The following ADGRG5 variants were observed in gnomAD, a reference collection of about 807,000 sequenced individuals.
The protein encoded by ADGRG5 is G protein-coupled receptor 114.
ADGRG5 carries 37 observed loss-of-function variants against 53.2 expected under a neutral mutation model. That is an observed-to-expected ratio of 0.70 (90% CI 0.53 to 0.91). ADGRG5 has a LOEUF of 0.91. Among genes scored for constraint, ADGRG5 ranks in the 40% least tolerant of loss-of-function variants. ADGRG5 has a pLI of 0.00. For synonymous variants in ADGRG5, 277 were observed against 290.4 expected, an observed-to-expected ratio of 0.95 and a Z score of 0.47; for missense variants, 614 against 675.8, an observed-to-expected ratio of 0.91 and a Z score of 1.01.
chr16:57,552,534 A>G (rs1488718689), intron 1 of ADGRG5, among the ~76,000 whole-genome samples: 2 of 152,030 alleles, frequency 1.3e-5, no homozygotes, highest in East Asian at 3.9e-4. Flanking sequence ...CAGCTTCCTC[A>G]CCCACCTTGG....
At chr16:57,575,179 AG>A in intron 11 of ADGRG5, 87 bp downstream of exon 11, 1 of 1,448,956 alleles carries the variant, frequency 6.9e-7, no homozygotes, top group South Asian at 1.3e-5. Flanking sequence ...GTTCAGGTGA[AG>A]GGGGCGAGTG....
intron 1 of ADGRG5, among the ~76,000 whole-genome samples, chr16:57,548,037 C>T (rs561482813): frequency 5.8e-4 from 88 of 152,314 alleles, no homozygotes; most frequent in Non-Finnish European, 1.0e-3. Flanking sequence ...TATGAGCCAC[C>T]ACGCCTGGCC....
chr16:57,544,113 A>G lies in ADGRG5; in HGVS notation c.-39+1412A>G, dbSNP rs532577486. Among the ~76,000 whole-genome samples the G allele has an allele frequency of 5.9e-5, 9 of 152,174 alleles. No individual in the cohort carries two copies. The East Asian group carries it at 1.7e-3, about 30-fold the overall frequency. Reference sequence around the variant, plus strand: ...GTCTGCAAAGCAACTCAGCTGCCCAACCATCTTTGGGAGGCTGCAGTGTGC... The same window carrying G: ...GTCTGCAAAGCAACTCAGCTGCCCAGCCATCTTTGGGAGGCTGCAGTGTGC... On this transcript the variant is annotated intron_variant, in intron 1 of 11. Coordinates refer to ENST00000349457, the MANE Select transcript of ADGRG5 (RefSeq NM_001304376.3).
At chr16:57,568,990 TTCATCATCA>T (rs2033242937) in intron 9 of ADGRG5, among the ~76,000 whole-genome samples, 1 of 142,282 alleles carries the variant, frequency 7.0e-6, no homozygotes, top group Non-Finnish European at 1.5e-5. Context: ...CTCCTCCACC[TTCATCATCA>T]CCATCACCTC....
At chr16:57,549,705 C>A (rs182520383) in intron 1 of ADGRG5, among the ~76,000 whole-genome samples, 1 of 152,222 alleles carries the variant, frequency 6.6e-6, no homozygotes, top group African/African-American at 2.4e-5. Flanking sequence ...GTCTCAGGCC[C>A]TTTTGTAGTT....
At chr16:57,558,425 T>C (rs2032929458) in intron 1 of ADGRG5, among the ~76,000 whole-genome samples, 1 of 152,246 alleles carries the variant, frequency 6.6e-6, no homozygotes, top group African/African-American at 2.4e-5. Flanking sequence ...ATTGCATGCA[T>C]GCAACACAGA....
At chr16:57,543,012 G>A (rs898472675) in intron 1 of ADGRG5, 2 of 152,362 alleles carry the variant, frequency 1.3e-5, no homozygotes, top group African/African-American at 4.8e-5. Context: ...CTGGACCTCA[G>A]TTTCTCATCT....
intron 6 of ADGRG5, 38 bp downstream of exon 6, chr16:57,565,188 G>T (rs368627039): frequency 9.7e-6 from 12 of 1,235,496 alleles, no homozygotes; most frequent in Non-Finnish European, 1.3e-5. Flanking sequence ...CTGCACCCCT[G>T]CCCCTCTGTG....
At chr16:57,551,191 T>TG (rs1481627579) in intron 1 of ADGRG5, among the ~76,000 whole-genome samples, 1 of 152,204 alleles carries the variant, frequency 6.6e-6, no homozygotes, top group African/African-American at 2.4e-5. Context: ...TTTTTGCTGG[T>TG]GGAAAGTCTT....
intron 1 of ADGRG5, among the ~76,000 whole-genome samples, chr16:57,558,570 C>A (rs2032931986): frequency 1.3e-5 from 2 of 152,220 alleles, no homozygotes; most frequent in African/African-American, 4.8e-5. Flanking sequence ...CAGTCTTGAG[C>A]CCCAGGAGTA....
intron 1 of ADGRG5, among the ~76,000 whole-genome samples, chr16:57,555,156 AGT>A (rs1339364760): frequency 6.6e-6 from 1 of 152,062 alleles, no homozygotes; most frequent in Admixed American, 6.6e-5. Context: ...TAATTAGGAG[AGT>A]GTTCTATAAA....
At chr16:57,571,663 T>C (rs2033364202) in intron 10 of ADGRG5, among the ~76,000 whole-genome samples, 1 of 150,364 alleles carries the variant, frequency 6.7e-6, no homozygotes, top group African/African-American at 2.4e-5. Context: ...TTTCTTTTTT[T>C]TTTTTTTTTG....
At chr16:57,564,088 CA>C (rs1345032021) in intron 5 of ADGRG5, 109 bp downstream of exon 5, 77 of 1,217,420 alleles carry the variant, frequency 6.3e-5, no homozygotes, top group Non-Finnish European at 8.8e-5. Context: ...TGAGTGAGAC[CA>C]ACCAGCCATC....
chr16:57,558,870 G>T (rs2032939360), intron 1 of ADGRG5, among the ~76,000 whole-genome samples: 1 of 150,512 alleles, frequency 6.6e-6, no homozygotes, highest in Non-Finnish European at 1.5e-5. Context: ...TTTGAGACAG[G>T]GTCTCACTCT....
At chr16:57,536,438 G>A in the ADGRG5 span, 1 of 152,442 alleles carries the variant, frequency 6.6e-6, no homozygotes, top group Non-Finnish European at 1.5e-5. Flanking sequence ...AAGGCGCGCG[G>A]CCTGGAGCAA....
chr16:57,539,689 G>A (rs1277821324), upstream of ADGRG5, among the ~76,000 whole-genome samples: 4 of 151,678 alleles, frequency 2.6e-5, no homozygotes, highest in Non-Finnish European at 5.9e-5. Context: ...CTGGGCTCAA[G>A]TAGTCCTACC....
chr16:57,562,638 A>G (rs1028341857), intron 3 of ADGRG5, 179 bp downstream of exon 3: 6 of 588,394 alleles, frequency 1.0e-5, no homozygotes, highest in Middle Eastern at 7.5e-4. Context: ...GAAGTTTATC[A>G]TCGAGGAATG....
At chr16:57,530,186 C>T in the ADGRG5 span, among the ~76,000 whole-genome samples, 4 of 152,166 alleles carry the variant, frequency 2.6e-5, no homozygotes, top group Non-Finnish European at 1.5e-5. Context: ...CCACCCCTCC[C>T]TGACACCGTG....
At position 57,556,901 on chromosome 16, in the gene ADGRG5, CCTT is replaced by C. The variant is rs771130820; in HGVS notation, c.-38-5148_-38-5146del. On this transcript the variant is annotated intron_variant, in intron 1 of 11. Coordinates refer to ENST00000349457, the MANE Select transcript of ADGRG5 (RefSeq NM_001304376.3). ...CTCATCTGAAGAAGTTCTTATTTTG[CCTT>C]CTTCTTTTTTTTTTTTTTTTTTTGA... 2.5e-3 allele frequency among the ~76,000 whole-genome samples: 311 copies of C among 125,708 alleles called. 2 individuals carry two copies. The highest frequency in any genetic ancestry group is 9.8e-4 in the Non-Finnish European group (63 of 64,538). The allele number at this position is 125,708 out of a possible 152,430, so 82.5% of individuals were successfully genotyped here. A position where few individuals can be genotyped will look rare whatever the true frequency, so the allele number is the denominator to read the frequency against.
Sources: allele counts gnomAD v4.1 joint callset (sites outside exome capture counted in the v4.1 genomes callset), GRCh38; gene constraint gnomAD v4.1.1; transcripts MANE v1.5; gene names NCBI Gene and HGNC (gene_info 2026-07-23, HGNC 2026-07-21).